Variants in FRMD4B observed in about 807,000 individuals in gnomAD.
FRMD4B encodes FERM domain-containing protein 4B.
A neutral mutation model predicts 141.5 loss-of-function variants in FRMD4B; 74 were observed. The ratio of observed to expected loss-of-function variants is 0.52; its 90% CI spans 0.43 to 0.63. The LOEUF (loss-of-function observed/expected upper bound fraction) is 0.63, where lower values mean the gene tolerates loss of function less well. Ranked by LOEUF, FRMD4B falls within the 30% of genes least tolerant of loss-of-function variation. The pLI, the probability that FRMD4B is intolerant of heterozygous loss-of-function variation, is 0.00. For synonymous variants in FRMD4B, 506 were observed against 467.9 expected, an observed-to-expected ratio of 1.08 and a Z score of -1.05; for missense variants, 1,366 against 1,253.4, an observed-to-expected ratio of 1.09 and a Z score of -1.36.
chr3:69,425,814 A>G (rs780466031), intron 2 of FRMD4B, among the ~76,000 whole-genome samples: 9 of 152,170 alleles, frequency 5.9e-5, no homozygotes, highest in African/African-American at 1.2e-4. Context: ...CTCTCCAAAG[A>G]TCCCAAAGCC....
At chr3:69,314,968 G>T (rs2107248270) in intron 1 of FRMD4B, among the ~76,000 whole-genome samples, 1 of 152,308 alleles carries the variant, frequency 6.6e-6, no homozygotes, top group East Asian at 1.9e-4. Context: ...GTTCAAGACG[G>T]TAGTGAGCCA....
At chr3:69,495,473 G>A (rs1468300617) in intron 1 of FRMD4B, among the ~76,000 whole-genome samples, 1 of 152,166 alleles carries the variant, frequency 6.6e-6, no homozygotes, top group Admixed American at 6.5e-5. Flanking sequence ...CTCTGCCCCT[G>A]GGCTGTGTCA....
At chr3:69,326,142 A>C (rs1176235505) in intron 1 of FRMD4B, among the ~76,000 whole-genome samples, 1 of 133,682 alleles carries the variant, frequency 7.5e-6, no homozygotes, top group Non-Finnish European at 1.5e-5. Context: ...TTTTTTGTAG[A>C]GATAAGGTCT....
At chr3:69,428,732 C>A (rs1176157803) in intron 2 of FRMD4B, among the ~76,000 whole-genome samples, 1 of 152,098 alleles carries the variant, frequency 6.6e-6, no homozygotes, top group Non-Finnish European at 1.5e-5. Context: ...TTTAAGTGTA[C>A]AGTTCAGTGG....
intron 19 of FRMD4B, among the ~76,000 whole-genome samples, chr3:69,184,173 A>C (rs1170952893): frequency 1.3e-5 from 2 of 152,244 alleles, no homozygotes; most frequent in East Asian, 3.9e-4. Flanking sequence ...CAGCCTCCCA[A>C]AGTGCTGGGA....
chr3:69,210,120 T>A (rs1256134350), intron 11 of FRMD4B, among the ~76,000 whole-genome samples: 1 of 152,232 alleles, frequency 6.6e-6, no homozygotes, highest in African/African-American at 2.4e-5. Flanking sequence ...CACCTTCACA[T>A]GCCCTGTGGT....
At chr3:69,310,250 G>C (rs1377671609) in intron 3 of FRMD4B, among the ~76,000 whole-genome samples, 1 of 152,106 alleles carries the variant, frequency 6.6e-6, no homozygotes, top group Non-Finnish European at 1.5e-5. Context: ...AGCCCACCCA[G>C]GCTGGGAATA....
chr3:69,451,895 G>A (rs1575806624), intron 1 of FRMD4B, among the ~76,000 whole-genome samples: 2 of 152,320 alleles, frequency 1.3e-5, no homozygotes, highest in East Asian at 3.9e-4. Context: ...TGTCATGTTG[G>A]TCTGAGATAA....
chr3:69,392,305 G>T (rs1704397703), intron 2 of FRMD4B, among the ~76,000 whole-genome samples: 1 of 152,138 alleles, frequency 6.6e-6, no homozygotes, highest in Admixed American at 6.5e-5. Context: ...ATAGAGACAG[G>T]TGAGTGAGGA....
At chr3:69,186,360 C>G (rs1447374716) in intron 19 of FRMD4B, among the ~76,000 whole-genome samples, 3 of 150,686 alleles carry the variant, frequency 2.0e-5, no homozygotes, top group Non-Finnish European at 2.9e-5. Flanking sequence ...ATCCTCCTGC[C>G]TCAGTCTCCC....
At chr3:69,244,463 A>C (rs1170193727) in intron 7 of FRMD4B, among the ~76,000 whole-genome samples, 1 of 152,162 alleles carries the variant, frequency 6.6e-6, no homozygotes, top group Non-Finnish European at 1.5e-5. Context: ...TATTTTGGTC[A>C]ATGTTTGTTT....
rs925379872 is a variant in FRMD4B at position 69,362,382 on chromosome 3, A to T, written c.162+23446T>A. Among the ~76,000 whole-genome samples the T allele has an allele frequency of 2.0e-5, 3 of 152,144 alleles. No homozygotes were observed. In the East Asian group the frequency reaches 5.8e-4, roughly 29 times the overall value. ...CTTGTGTGCTCTTCTGCCTCTCACA[A>T]TTGTTAATTGGAATCCTTTCCAGTT... On this transcript the variant is annotated intron_variant, in intron 1 of 22. Transcript: ENST00000398540.
At chr3:69,339,993 T>C (rs1702681616) in intron 1 of FRMD4B, among the ~76,000 whole-genome samples, 1 of 152,030 alleles carries the variant, frequency 6.6e-6, no homozygotes, top group Non-Finnish European at 1.5e-5. Context: ...TCCTGCCCAC[T>C]CTTCCCCTGG....
chr3:69,199,361 G>A (rs1253897481), intron 11 of FRMD4B: 2 of 152,266 alleles, frequency 1.3e-5, no homozygotes, highest in African/African-American at 4.8e-5. Flanking sequence ...TTTTTCCTCT[G>A]ACTCAACTAT....
At chr3:69,235,776 T>C (rs1349260256) in intron 7 of FRMD4B, among the ~76,000 whole-genome samples, 2 of 152,196 alleles carry the variant, frequency 1.3e-5, no homozygotes, top group African/African-American at 4.8e-5. Context: ...AGGCATATTA[T>C]GCTATTAACA....
intron 1 of FRMD4B, among the ~76,000 whole-genome samples, chr3:69,528,593 T>C (rs1462746983): frequency 6.6e-6 from 1 of 152,204 alleles, no homozygotes; most frequent in East Asian, 1.9e-4. Context: ...CTCAAATCCT[T>C]GGGTTCAAGA....
intron 1 of FRMD4B, among the ~76,000 whole-genome samples, chr3:69,352,582 C>T (rs944141983): frequency 1.3e-5 from 2 of 152,250 alleles, no homozygotes; most frequent in South Asian, 2.1e-4. Context: ...TCAACATCTA[C>T]CCATCAAGGA....
At chr3:69,452,056 T>C (rs1034139024) in intron 1 of FRMD4B, among the ~76,000 whole-genome samples, 25 of 152,242 alleles carry the variant, frequency 1.6e-4, no homozygotes, top group East Asian at 5.8e-4. Flanking sequence ...GAGTTGTTCC[T>C]CTCCAGGAAA....
intron 1 of FRMD4B, among the ~76,000 whole-genome samples, chr3:69,519,458 C>T (rs1033932082): frequency 6.6e-6 from 1 of 152,076 alleles, no homozygotes; most frequent in African/African-American, 2.4e-5. Flanking sequence ...AACCAGGAAT[C>T]CCCCTGTTGG....
Sources: allele counts gnomAD v4.1 joint callset (sites outside exome capture counted in the v4.1 genomes callset), GRCh38; gene constraint gnomAD v4.1.1; transcripts MANE v1.5; gene names NCBI Gene and HGNC (gene_info 2026-07-23, HGNC 2026-07-21).